The following NUBPL variants were observed in gnomAD, a reference collection of about 807,000 sequenced individuals.
NUBPL encodes NUBP iron-sulfur cluster assembly factor, mitochondrial.
NUBPL carries 31 observed loss-of-function variants against 45.7 expected under a neutral mutation model. That is an observed-to-expected ratio of 0.68 (90% confidence interval 0.51 to 0.92). The LOEUF is 0.92. Among genes scored for constraint, NUBPL ranks in the 40% least tolerant of loss-of-function variants. The pLI is 0.00. For missense variants in NUBPL, 401 were observed against 398.7 expected, an observed-to-expected ratio of 1.01 and a Z score of -0.05; for synonymous variants, 144 against 140.9, an observed-to-expected ratio of 1.02 and a Z score of -0.15.
intron 7 of NUBPL, among the ~76,000 whole-genome samples, chr14:31,821,902 A>G (rs1385974111): frequency 6.6e-6 from 1 of 152,258 alleles, no homozygotes; most frequent in Non-Finnish European, 1.5e-5. Flanking sequence ...ATGGAACTGG[A>G]TGCCATTATG....
At chr14:31,637,616 A>C (rs1415269440) in intron 4 of NUBPL, among the ~76,000 whole-genome samples, 1 of 152,214 alleles carries the variant, frequency 6.6e-6, no homozygotes, top group Admixed American at 6.5e-5. Flanking sequence ...CACTTGGTGC[A>C]GAGCTGAGTT....
chr14:31,583,040 GT>G (rs2033904840), intron 3 of NUBPL, among the ~76,000 whole-genome samples: 2 of 152,178 alleles, frequency 1.3e-5, no homozygotes, highest in Admixed American at 6.5e-5. Context: ...TAGTCCTTGA[GT>G]TAGGGCACTG....
intron 7 of NUBPL, among the ~76,000 whole-genome samples, chr14:31,821,712 A>G (rs925284758): frequency 3.9e-5 from 6 of 152,278 alleles, no homozygotes; most frequent in Admixed American, 2.6e-4. Flanking sequence ...GGAAATCAGT[A>G]TATCAAAGAG....
In NUBPL at chr14:31,562,205, T is replaced by C. The variant is rs760337778; in HGVS notation, c.246T>C (p.Ser82=). 5 of 1,613,766 alleles carry C rather than the reference T, an allele frequency of 3.1e-6. No homozygotes were observed. The East Asian group carries it at 1.1e-4, about 36-fold the overall frequency. ...VASGKGGVGK[S]TTAVNLALAL... is the part of the protein sequence containing the mutation. ...CTGGAAAGGGTGGAGTCGGAAAATC[T>C]ACTACAGCAGGTATTATAGGATATT... The change falls in exon 2 of 11, where the codon TCT becomes TCC. Residue 82 remains serine, a synonymous_variant. Transcript: ENST00000281081.
At chr14:31,681,873 T>G (rs2139835049) in intron 6 of NUBPL, among the ~76,000 whole-genome samples, 1 of 152,278 alleles carries the variant, frequency 6.6e-6, no homozygotes, top group South Asian at 2.1e-4. Flanking sequence ...TGTAATTTTG[T>G]TTTGGCTAGA....
At chr14:31,590,500 G>T (rs1040239974) in intron 3 of NUBPL, among the ~76,000 whole-genome samples, 1 of 152,122 alleles carries the variant, frequency 6.6e-6, no homozygotes, top group Non-Finnish European at 1.5e-5. Flanking sequence ...CTGAAGGGTG[G>T]ATCAAGTGCT....
intron 6 of NUBPL, among the ~76,000 whole-genome samples, chr14:31,717,238 G>A (rs1349640840): frequency 1.3e-5 from 2 of 152,040 alleles, no homozygotes; most frequent in African/African-American, 2.4e-5. Flanking sequence ...TTGCTTCTGG[G>A]CCTTCCCTCC....
At chr14:31,677,735 C>T (rs991297904) in intron 6 of NUBPL, among the ~76,000 whole-genome samples, 7 of 152,220 alleles carry the variant, frequency 4.6e-5, no homozygotes, top group African/African-American at 1.7e-4. Context: ...TCCTCTACCA[C>T]TGTGACTGCA....
chr14:31,621,912 A>C (rs770140492), intron 4 of NUBPL, among the ~76,000 whole-genome samples: 2 of 152,160 alleles, frequency 1.3e-5, no homozygotes, highest in Non-Finnish European at 2.9e-5. Context: ...TAACATGCAG[A>C]GGTTGGAATA....
chr14:31,652,383 G>C (rs2036030173), intron 4 of NUBPL, among the ~76,000 whole-genome samples: 1 of 152,016 alleles, frequency 6.6e-6, no homozygotes, highest in Admixed American at 6.5e-5. Context: ...TACAGCGTGG[G>C]GACTGTAGTT....
intron 6 of NUBPL, among the ~76,000 whole-genome samples, chr14:31,683,352 C>CTTTTTTTTTT (rs34890900): frequency 1.6e-4 from 15 of 91,032 alleles, no homozygotes; most frequent in African/African-American, 3.3e-4. Flanking sequence ...ATAAAACAAT[C>CTTTTTTTTTT]TTTTTTTTTT....
rs3035682 is a variant in NUBPL, at chr14:31,672,273, A to ATG, written c.383-1049_383-1048dup. ...CCAGTGTAGGAAGGACTGATTAGAT[A>ATG]TGTGTGTGTGTGTGTGTGTGTGTGT... On this transcript the variant is annotated intron_variant, in intron 4 of 10. Transcript: ENST00000281081. Among the ~76,000 whole-genome samples the ATG allele has an allele frequency of 8.8e-3, 1,300 of 148,188 alleles. 19 individuals carry two copies. Among genetic ancestry groups the ATG allele is most frequent in the African/African-American group, 0.027 (1,090 of 40,326 alleles).
intron 3 of NUBPL, among the ~76,000 whole-genome samples, chr14:31,586,608 C>T (rs114869090): frequency 8.7e-4 from 133 of 152,252 alleles, no homozygotes; most frequent in African/African-American, 3.2e-3. Flanking sequence ...AATGTGTTCC[C>T]TTGTTTTTTA....
intron 7 of NUBPL, among the ~76,000 whole-genome samples, chr14:31,799,115 A>T (rs1183120007): frequency 6.6e-6 from 1 of 152,200 alleles, no homozygotes; most frequent in Non-Finnish European, 1.5e-5. Context: ...GATGTTTTAT[A>T]CTTGGGAAGA....
At chr14:31,644,987 G>A (rs984163512) in intron 4 of NUBPL, among the ~76,000 whole-genome samples, 5 of 151,636 alleles carry the variant, frequency 3.3e-5, no homozygotes, top group African/African-American at 7.3e-5. Flanking sequence ...TAAAGTTTCC[G>A]ATTGCATGGA....
chr14:31,826,664 T>A lies in NUBPL; in HGVS notation c.643T>A (p.Leu215Met). The change falls in exon 8 of 11, where the codon TTG (leucine) becomes ATG (methionine). Residue 215 changes from leucine to methionine, a missense_variant. Coordinates refer to ENST00000281081, the MANE Select transcript of NUBPL (RefSeq NM_025152.3). The part of the protein sequence containing the change: ...VIVSTPQDIA[L>M]MDAHKGAEMF... ...TGTCTCCACGCCCCAGGACATCGCA[T>A]TGATGGATGCACACAAGGGTGCTGA... 1 of 1,614,128 alleles carries A rather than the reference T, an allele frequency of 6.2e-7. No individual in the cohort carries two copies. The highest frequency in any genetic ancestry group is 8.5e-7 in the Non-Finnish European group (1 of 1,179,980).
intron 3 of NUBPL, among the ~76,000 whole-genome samples, chr14:31,592,434 T>A (rs904174163): frequency 6.6e-6 from 1 of 152,194 alleles, no homozygotes; most frequent in Non-Finnish European, 1.5e-5. Flanking sequence ...ATCTGACTTA[T>A]GTTTCATCTG....
intron 6 of NUBPL, among the ~76,000 whole-genome samples, chr14:31,709,412 T>A (rs1300554251): frequency 6.6e-6 from 1 of 152,212 alleles, no homozygotes; most frequent in Non-Finnish European, 1.5e-5. Flanking sequence ...GTCCCCATGA[T>A]CTGAGTCAAG....
At chr14:31,591,255 C>T (rs981108536) in intron 3 of NUBPL, among the ~76,000 whole-genome samples, 12 of 152,106 alleles carry the variant, frequency 7.9e-5, no homozygotes, top group Admixed American at 6.6e-5. Flanking sequence ...CTCTGTCTTC[C>T]GGTTTTAAGC....
Sources: gnomAD v4.1 joint callset for allele counts (sites outside exome capture counted in the v4.1 genomes callset) on GRCh38, gnomAD v4.1.1 for gene constraint, MANE v1.5 for transcripts, NCBI Gene and HGNC (gene_info 2026-07-23, HGNC 2026-07-21) for gene names.